The following SLU7 variants were observed in gnomAD, a reference collection of about 807,000 sequenced individuals.
SLU7 encodes the protein spliceosome associated SLU7.
SLU7 carries 60 observed loss-of-function variants against 87.0 expected under a neutral mutation model. The ratio of observed to expected loss-of-function variants is 0.69; its 90% CI spans 0.56 to 0.86. The LOEUF is 0.86. Ranked by LOEUF, SLU7 falls within the 40% of genes least tolerant of loss-of-function variation. The pLI is 0.00. For missense variants in SLU7, 507 were observed against 686.6 expected, an observed-to-expected ratio of 0.74 and a Z score of 2.92; for synonymous variants, 197 against 222.0, an observed-to-expected ratio of 0.89 and a Z score of 1.00.
intron 14 of SLU7, 116 bp from the exon 15 acceptor site, chr5:160,404,672 G>A (rs1040574938): frequency 1.2e-4 from 106 of 877,718 alleles, no homozygotes; most frequent in South Asian, 4.6e-4. Context: ...GTTGCAGTGG[G>A]CCCAGACCGT....
At position 160,403,564 on chromosome 5, in the gene SLU7, T is replaced by G. The variant is rs189436969; in HGVS notation, c.1582-100A>C. 621 of 1,035,518 alleles carry G rather than the reference T, an allele frequency of 6.0e-4. 4 individuals carry two copies. The highest frequency in any genetic ancestry group is 2.7e-3 in the Middle Eastern group (8 of 2,984). The allele number at this position is 1,035,518 out of a possible 1,614,324, so 64.1% of individuals were successfully genotyped here. Reference sequence around the variant, plus strand: ...ACACACCCCACTGAATATGAACTGCTCTATCAAAAACGCAGATTGCCTGAA... The same window carrying G: ...ACACACCCCACTGAATATGAACTGCGCTATCAAAAACGCAGATTGCCTGAA... On this transcript the variant is annotated intron_variant, in intron 15 of 15. Coordinates refer to ENST00000297151, the MANE Select transcript of SLU7 (RefSeq NM_006425.5).
In SLU7 at chr5:160,413,562, A is replaced by AC. The variant is rs1343440770; in HGVS notation, c.463dup (p.Val155GlyfsTer8). 1.2e-6 allele frequency: 2 copies of AC among 1,613,868 alleles called. No individual in the cohort carries two copies. The highest frequency in any genetic ancestry group is 1.7e-6 in the Non-Finnish European group (2 of 1,179,904). On this transcript the variant is annotated frameshift_variant, in exon 5 of 16. Coordinates refer to ENST00000297151, the MANE Select transcript of SLU7 (RefSeq NM_006425.5). LOFTEE classifies it high-confidence loss of function. ...ATAGTCAAACATCAGTTGAGGCTGG[A>AC]CATGTTCATCTGGAGCTATATTAGT...
rs114387813 is a variant in SLU7 at position 160,412,205 on chromosome 5, T to C, written c.639+246A>G. ...GAAAATTCTTTAGGATGGATAGCTT[T>C]AATAATTTAACTTGAAAAAGTAAAT... is the stretch of plus-strand genomic sequence containing the variant. On this transcript the variant is annotated intron_variant, in intron 6 of 15. Coordinates refer to ENST00000297151, the MANE Select transcript of SLU7 (RefSeq NM_006425.5). Among the ~76,000 whole-genome samples, 856 of 152,328 alleles carry C rather than the reference T, an allele frequency of 5.6e-3. 14 individuals are homozygous for C. Among genetic ancestry groups the C allele is most frequent in the African/African-American group, 0.02 (817 of 41,582 alleles).
In SLU7 at chr5:160,416,498, A is replaced by T. The variant is rs553340726; in HGVS notation, c.-16-1188T>A. Among the ~76,000 whole-genome samples, 8 of 152,338 alleles carry T rather than the reference A, an allele frequency of 5.3e-5. No individual in the cohort carries two copies. In the South Asian group the frequency reaches 8.3e-4, roughly 16 times the overall value. On this transcript the variant is annotated intron_variant, in intron 1 of 15. Transcript: ENST00000297151. ...CCACTTAGAGGCCAGAGGCATTTAAACTCAATACGTCTTAATTCAATCTCA... is the reference window on the plus strand; with the variant it reads ...CCACTTAGAGGCCAGAGGCATTTAATCTCAATACGTCTTAATTCAATCTCA...
chr5:160,408,766 G>T, intron 6 of SLU7, 69 bp from the exon 7 acceptor site: 4 of 438,092 alleles, frequency 9.1e-6, no homozygotes, highest in African/African-American at 2.2e-5. Flanking sequence ...TTATTATTAA[G>T]ATAATAAAGT....
At chr5:160,412,565 T>TTTTACTTACAACATTC in intron 5 of SLU7, 46 bp from the exon 6 acceptor site, 1 of 1,170,564 alleles carries the variant, frequency 8.5e-7, no homozygotes, top group Non-Finnish European at 1.2e-6. Flanking sequence ...AGTAAACATT[T>TTTTACTTACAACATTC]AAATTTTACT....
intron 15 of SLU7, 69 bp from the exon 16 acceptor site, chr5:160,403,533 GTACCAACACACCCCACTGAA>G: frequency 7.4e-7 from 1 of 1,352,658 alleles, no homozygotes; most frequent in Non-Finnish European, 1.0e-6. Flanking sequence ...AAGTGGCAGA[GTACCAACACACCCCACTGAA>G]TATGAACTGC....
intron 15 of SLU7, 96 bp from the exon 16 acceptor site, chr5:160,403,560 C>T: frequency 9.2e-7 from 1 of 1,083,546 alleles, no homozygotes; most frequent in South Asian, 1.9e-5. Context: ...TGAATATGAA[C>T]TGCTCTATCA....
chr5:160,413,389 A>G (rs1255538628), intron 5 of SLU7, 67 bp downstream of exon 5: 1 of 1,400,026 alleles, frequency 7.1e-7, no homozygotes, highest in Non-Finnish European at 9.9e-7. Flanking sequence ...TGAAAAGTAG[A>G]GCTGCTAGAG....
In SLU7 at chr5:160,406,490, T is replaced by G; in HGVS notation, c.1265A>C (p.Asp422Ala). The G allele has an allele frequency of 4.3e-6, 7 of 1,610,666 alleles. No individual in the cohort carries two copies. The highest frequency in any genetic ancestry group is 5.1e-6 in the Non-Finnish European group (6 of 1,178,990). ...TACTGTGTGATTGTGGATCTTCACA[T>G]CCTCCTCATACTTAGAGCAGGCAAC... is the stretch of plus-strand genomic sequence containing the variant. ...RAVACSKYEE[D>A]VKIHNHTHIW... Residue 422 changes from aspartate to alanine, a missense_variant, in exon 12 of 16, where the codon GAT (aspartate) becomes GCT (alanine). Asp to Ala is a moderately radical substitution (Grantham distance 126). Around this residue, in one of 6 missense-constraint regions of SLU7, gnomAD observed 201 missense variants for 213.4 expected, o/e 0.94. Coordinates refer to ENST00000297151, the MANE Select transcript of SLU7 (RefSeq NM_006425.5).
At position 160,405,075 on chromosome 5, in the gene SLU7, A is replaced by G; in HGVS notation, c.1348T>C (p.Phe450Leu). ...RWGYKCCHSF[F>L]KYSYCTGEAG... ...TCTCCAGTACAATAGGAATACTTGAAAAAAGAGTGACAGCATTTGTATCCC... is the reference window on the plus strand; with the variant it reads ...TCTCCAGTACAATAGGAATACTTGAGAAAAGAGTGACAGCATTTGTATCCC... The change falls in exon 13 of 16, where the codon TTC becomes CTC. Residue 450 changes from phenylalanine to leucine, a missense_variant. By Grantham distance (22) the Phe-to-Leu change is conservative. This residue lies in a region of SLU7 where 201 missense variants were observed against 213.4 expected (regional missense o/e 0.94). Coordinates refer to ENST00000297151, the MANE Select transcript of SLU7 (RefSeq NM_006425.5). The G allele has an allele frequency of 6.2e-7, 1 of 1,613,938 alleles. No individual in the cohort carries two copies. Among genetic ancestry groups the G allele is most frequent in the Non-Finnish European group, 8.5e-7 (1 of 1,179,808 alleles).
chr5:160,404,333 C>A, intron 15 of SLU7, 107 bp downstream of exon 15: 1 of 708,518 alleles, frequency 1.4e-6, no homozygotes, highest in South Asian at 1.8e-5. Context: ...CCACTGCACT[C>A]CAGCCTGGAC....
rs1315189814 is a variant in SLU7, at chr5:160,414,554, C to T, written c.171-82G>A. The stretch of plus-strand genomic sequence containing the variant: ...ATTACAATTACAAAGGTAGCTTATA[C>T]AAAATCTAAGAACAGAAATATTGCA... On this transcript the variant is annotated intron_variant, in intron 2 of 15. Transcript: ENST00000297151. 8.8e-6 allele frequency: 8 copies of T among 904,654 alleles called. No homozygotes were observed. In the East Asian group the frequency reaches 2.0e-4, roughly 23 times the overall value. 56.0% of individuals were successfully genotyped at this position (904,654 alleles called of 1,614,324 possible).
chr5:160,413,596 A>G lies in SLU7; in HGVS notation c.430T>C (p.Phe144Leu). ...FERPRRVGAK[F>L]TGTNIAPDEH... is the part of the protein sequence containing the mutation. Reference sequence around the variant, plus strand: ...TCTGGAGCTATATTAGTACCTGTAAATTTGGCTCCAACTCGCCTAGGTCTC... The same window carrying G: ...TCTGGAGCTATATTAGTACCTGTAAGTTTGGCTCCAACTCGCCTAGGTCTC... The change falls in exon 5 of 16, where the codon TTT becomes CTT. Residue 144 changes from phenylalanine (F) to leucine (L), a missense_variant. Physicochemically the swap from Phe to Leu is conservative, Grantham distance 22 (BLOSUM62 0). Coordinates refer to ENST00000297151, the MANE Select transcript of SLU7 (RefSeq NM_006425.5). 6.2e-7 allele frequency: 1 copy of G among 1,612,660 alleles called. No homozygotes were observed. The highest frequency in any genetic ancestry group is 8.5e-7 in the Non-Finnish European group (1 of 1,179,614).
In SLU7 at chr5:160,404,839, T is replaced by C. The variant is rs1764940552; in HGVS notation, c.1434A>G (p.Glu478=). ...TGAGGGTTTGAGGTTTTTTCACAGA[T>C]TCTTCCCCAGTTATCTCATTTATAA... The part of the protein sequence containing the change: ...ECIINEITGE[E]SVKKPQTLME... The change falls in exon 14 of 16, where the codon GAA becomes GAG. Residue 478 remains glutamate (E), a synonymous_variant. Coordinates refer to ENST00000297151, the MANE Select transcript of SLU7 (RefSeq NM_006425.5). 6.2e-7 allele frequency: 1 copy of C among 1,611,408 alleles called. No homozygotes were observed. Among genetic ancestry groups the C allele is most frequent in the East Asian group, 2.2e-5 (1 of 44,888 alleles).
intron 1 of SLU7, among the ~76,000 whole-genome samples, chr5:160,416,593 T>C (rs1197573531): frequency 2.0e-5 from 3 of 152,312 alleles, no homozygotes; most frequent in South Asian, 4.1e-4. Context: ...ATCCGTCCCT[T>C]TACATTAAGT....
chr5:160,411,657 C>T (rs777305263), intron 6 of SLU7, among the ~76,000 whole-genome samples: 1 of 151,924 alleles, frequency 6.6e-6, no homozygotes, highest in Non-Finnish European at 1.5e-5. Context: ...GTTTAGAGTC[C>T]CTTTTAGAAA....
At chr5:160,416,843 C>G (rs1765475607) in intron 1 of SLU7, among the ~76,000 whole-genome samples, 1 of 152,096 alleles carries the variant, frequency 6.6e-6, no homozygotes, top group African/African-American at 2.4e-5. Flanking sequence ...GCTCTGTGTC[C>G]CCAGCCAAAT....
At position 160,406,512 on chromosome 5, in the gene SLU7, C is replaced by G. The variant is rs745322576; in HGVS notation, c.1243G>C (p.Ala415Pro). Residue 415 changes from alanine (A) to proline (P), a missense_variant, in exon 12 of 16, where the codon GCC (alanine) becomes CCC (proline). Physicochemically the swap from Ala to Pro is conservative, Grantham distance 27. Around this residue, in one of 6 missense-constraint regions of SLU7, gnomAD observed 201 missense variants for 213.4 expected, o/e 0.94. Coordinates refer to ENST00000297151, the MANE Select transcript of SLU7 (RefSeq NM_006425.5). ...ACATCCTCCTCATACTTAGAGCAGG[C>G]AACAGCCCGCTCCTGTCCTTTGATG... Reference protein sequence around the residue: ...TVIKGQERAVACSKYEEDVKI... With the variant: ...TVIKGQERAVPCSKYEEDVKI... 4.0e-5 allele frequency: 64 copies of G among 1,613,380 alleles called. No individual in the cohort carries two copies. The highest frequency in any genetic ancestry group is 4.7e-5 in the Non-Finnish European group (56 of 1,179,786).
Sources: gnomAD v4.1 joint callset for allele counts (sites outside exome capture counted in the v4.1 genomes callset) on GRCh38, gnomAD v4.1.1 for gene constraint, gnomAD v4.1.1 regional missense constraint, MANE v1.5 for transcripts, NCBI Gene and HGNC (gene_info 2026-07-23, HGNC 2026-07-21) for gene names.